ACSM3: variants seen among roughly 807,000 people sequenced by gnomAD.
ACSM3 encodes acyl-CoA synthetase medium chain family member 3, also known as acyl-coenzyme A synthetase ACSM3, mitochondrial.
ACSM3 carries 61 observed loss-of-function variants against 74.1 expected under a neutral mutation model. That is an observed-to-expected ratio of 0.82 (90% confidence interval 0.67 to 1.02). The LOEUF is 1.02. ACSM3 is among the 50% of genes least tolerant of loss of function. The probability of loss-of-function intolerance (pLI) is 0.00; values close to 1 mark genes in which losing one functional copy is unlikely to be tolerated. For synonymous variants in ACSM3, 213 were observed against 241.5 expected, an observed-to-expected ratio of 0.88 and a Z score of 1.09; for missense variants, 660 against 697.0, an observed-to-expected ratio of 0.95 and a Z score of 0.60.
intron 2 of ACSM3, among the ~76,000 whole-genome samples, chr16:20,771,498 G>A (rs551060336): frequency 4.7e-5 from 7 of 147,760 alleles, no homozygotes; most frequent in Admixed American, 3.5e-4. Context: ...TTATCTTTCC[G>A]TGTCTGACTT....
chr16:20,783,009 T>C (rs1468851377), intron 7 of ACSM3, among the ~76,000 whole-genome samples: 1 of 152,198 alleles, frequency 6.6e-6, no homozygotes, highest in Non-Finnish European at 1.5e-5. Context: ...TATGTAGGCA[T>C]GATTGATTAT....
Position 20,712,279 on chromosome 16 carries a change from T to A in ACSM3, c.-190+37457T>A, listed in dbSNP as rs371001173. ...AAACCTAGGCCCACAAAGCCTAAGA[T>A]ATTTGCTATCTGGCCCTTTACAGAA... On this transcript the variant is annotated intron_variant, in intron 1 of 3. Coordinates refer to the ACSM3 transcript ENST00000561584. Among the ~76,000 whole-genome samples the A allele has an allele frequency of 5.3e-5, 8 of 152,266 alleles. No individual in the cohort carries two copies. In the East Asian group the frequency reaches 1.2e-3, roughly 22 times the overall value.
intron 1 of ACSM3, among the ~76,000 whole-genome samples, chr16:20,701,027 CTTG>C (rs1315900943): frequency 1.3e-5 from 2 of 151,980 alleles, no homozygotes; most frequent in African/African-American, 4.8e-5. Flanking sequence ...CTTAGGTGGA[CTTG>C]TTGATGGTTT....
chr16:20,740,886 T>C (rs980225115), intron 1 of ACSM3, among the ~76,000 whole-genome samples: 5 of 152,220 alleles, frequency 3.3e-5, no homozygotes, highest in Admixed American at 6.5e-5. Context: ...AAACACATTA[T>C]TACTCCAACT....
chr16:20,773,595 C>G (rs777710843), intron 2 of ACSM3, among the ~76,000 whole-genome samples: 2 of 152,216 alleles, frequency 1.3e-5, no homozygotes, highest in African/African-American at 2.4e-5. Context: ...TGCTTTCCTT[C>G]TCAATTTCAT....
At chr16:20,764,992 G>C (rs770430397) in intron 1 of ACSM3, among the ~76,000 whole-genome samples, 12 of 152,176 alleles carry the variant, frequency 7.9e-5, no homozygotes, top group Non-Finnish European at 1.5e-4. Context: ...TTTACCTTGC[G>C]TTGAGGCTGT....
At chr16:20,737,175 T>C (rs369253312) in intron 1 of ACSM3, 14 of 1,614,100 alleles carry the variant, frequency 8.7e-6, no homozygotes, top group African/African-American at 6.7e-5. Context: ...AAACAACATG[T>C]AATCTTTCAC....
At chr16:20,741,988 T>C in intron 1 of ACSM3, 4 of 1,510,156 alleles carry the variant, frequency 2.6e-6, no homozygotes, top group Non-Finnish European at 3.5e-6. Context: ...AGAGGCAGCA[T>C]AGCAGCCATT....
chr16:20,795,435 C>G (rs145418552), intron 12 of ACSM3, among the ~76,000 whole-genome samples: 1 of 152,346 alleles, frequency 6.6e-6, no homozygotes, highest in African/African-American at 2.4e-5. Flanking sequence ...TTGTTTCTCA[C>G]CAAATGGCTG....
intron 1 of ACSM3, chr16:20,741,897 C>G (rs920761337): frequency 6.5e-7 from 1 of 1,534,688 alleles, no homozygotes; most frequent in South Asian, 1.2e-5. Flanking sequence ...TAAGGCCGGT[C>G]TGCAATCGTG....
At chr16:20,723,867 A>G (rs1003570596) in intron 1 of ACSM3, among the ~76,000 whole-genome samples, 69 of 152,318 alleles carry the variant, frequency 4.5e-4, no homozygotes, top group African/African-American at 1.6e-3. Flanking sequence ...TTTGCTGTGC[A>G]GAAGCTCTTT....
chr16:20,731,348 G>T (rs1169335114), intron 1 of ACSM3, among the ~76,000 whole-genome samples: 1 of 152,176 alleles, frequency 6.6e-6, no homozygotes, highest in East Asian at 1.9e-4. Context: ...AAATAAATGG[G>T]ATCACTCTGA....
chr16:20,768,750 G>A (rs2080156112), intron 1 of ACSM3, among the ~76,000 whole-genome samples: 1 of 152,068 alleles, frequency 6.6e-6, no homozygotes, highest in Admixed American at 6.5e-5. Context: ...AAAGACCAGA[G>A]TTCTAGTTCT....
At chr16:20,748,567 A>G (rs908056028) in intron 1 of ACSM3, among the ~76,000 whole-genome samples, 6 of 152,210 alleles carry the variant, frequency 3.9e-5, no homozygotes, top group Admixed American at 3.9e-4. Context: ...AATATTCAAT[A>G]AGTGTTCACT....
chr16:20,796,254 T>G, intron 12 of ACSM3, 116 bp from the exon 13 acceptor site: 7 of 1,470,654 alleles, frequency 4.8e-6, no homozygotes, highest in Non-Finnish European at 6.3e-6. Flanking sequence ...CAAACTTTAT[T>G]AAAACACACT....
intron 1 of ACSM3, among the ~76,000 whole-genome samples, chr16:20,733,284 G>A (rs2079842140): frequency 6.6e-6 from 1 of 152,054 alleles, no homozygotes; most frequent in Non-Finnish European, 1.5e-5. Flanking sequence ...CATCTATCTT[G>A]TGCCTGATTA....
chr16:20,741,634 G>A (rs1430630376), intron 1 of ACSM3: 2 of 1,578,040 alleles, frequency 1.3e-6, no homozygotes, highest in Admixed American at 1.8e-5. Flanking sequence ...AGCTGACGGG[G>A]CCCGCCAGCG....
At chr16:20,735,824 A>T (rs1213587793) in intron 1 of ACSM3, 1 of 152,244 alleles carries the variant, frequency 6.6e-6, no homozygotes, top group Admixed American at 6.5e-5. Context: ...ATCATATGAC[A>T]TATCATCAGT....
intron 1 of ACSM3, among the ~76,000 whole-genome samples, chr16:20,683,125 T>C (rs2152312993): frequency 6.6e-6 from 1 of 150,974 alleles, no homozygotes; most frequent in Admixed American, 6.6e-5. Flanking sequence ...TTTATTTATT[T>C]ATTTTTTTTT....
Sources: gnomAD v4.1 joint callset for allele counts (sites outside exome capture counted in the v4.1 genomes callset) on GRCh38, gnomAD v4.1.1 for gene constraint, MANE v1.5 for transcripts, NCBI Gene and HGNC (gene_info 2026-07-23, HGNC 2026-07-21) for gene names.